RORC: variants seen among roughly 807,000 people sequenced by gnomAD.
RORC encodes the protein nuclear receptor ROR-gamma.
Under a neutral mutation model 64.5 loss-of-function variants are expected in RORC, and 13 were observed. That is an observed-to-expected ratio of 0.20 (90% confidence interval 0.13 to 0.32). RORC has a LOEUF of 0.32. Among genes scored for constraint, RORC ranks in the 10% least tolerant of loss-of-function variants. The pLI is 1.00. For missense variants in RORC, 468 were observed against 669.5 expected, an observed-to-expected ratio of 0.70 and a Z score of 3.32; for synonymous variants, 277 against 259.3, an observed-to-expected ratio of 1.07 and a Z score of -0.65.
At chr1:151,811,545 T>A (rs896257147) in intron 9 of RORC, 111 bp from the exon 10 acceptor site, 5 of 630,794 alleles carry the variant, frequency 7.9e-6, no homozygotes, top group African/African-American at 3.6e-5. Context: ...TCTTCTAAGC[T>A]GAGCGCGTGC....
At position 151,807,764 on chromosome 1, in the gene RORC, C is replaced by T; in HGVS notation, c.1396-131G>A. ...CCTTATGTACTTGGCACTTTGGCACCAGCCAAATCCCACTGGTAGAAGTAC... is the reference window on the plus strand; with the variant it reads ...CCTTATGTACTTGGCACTTTGGCACTAGCCAAATCCCACTGGTAGAAGTAC... On this transcript the variant is annotated intron_variant, in intron 10 of 10. Coordinates refer to ENST00000318247, the MANE Select transcript of RORC (RefSeq NM_005060.4). The surrounding 1 kb of genome is among the most constrained non-coding windows in gnomAD (Gnocchi z 5.0). 1 of 881,582 alleles carries T rather than the reference C, an allele frequency of 1.1e-6. No individual in the cohort carries two copies. The highest frequency in any genetic ancestry group is 1.7e-6 in the Non-Finnish European group (1 of 581,786). The allele number at this position is 881,582 out of a possible 1,614,324, so 54.6% of individuals were successfully genotyped here. A position where few individuals can be genotyped will look rare whatever the true frequency, so the allele number is the denominator to read the frequency against.
At position 151,815,050 on chromosome 1, in the gene RORC, G is replaced by C. The variant is rs1473076429; in HGVS notation, c.674C>G (p.Thr225Ser). 6.2e-7 allele frequency: 1 copy of C among 1,614,140 alleles called. No individual in the cohort carries two copies. The highest frequency in any genetic ancestry group is 2.2e-5 in the East Asian group (1 of 44,904). The change falls in exon 5 of 11, where the codon ACC (threonine) becomes AGC (serine). Residue 225 changes from threonine (T) to serine (S), a missense_variant. Around this residue, in one of 5 missense-constraint regions of RORC, gnomAD observed 241 missense variants for 295.5 expected, o/e 0.82. Coordinates refer to ENST00000318247, the MANE Select transcript of RORC (RefSeq NM_005060.4). ...ESFYSTGSQL[T>S]PDRCGLRFEE... ...AAAACGAAGTCCACATCGGTCAGGG[G>C]TCAGCTGGCTGCCTGTGCTATAGAA...
At position 151,807,382 on chromosome 1, in the gene RORC, T is replaced by C; in HGVS notation, c.*90A>G. The C allele has an allele frequency of 7.3e-7, 1 of 1,378,022 alleles. No homozygotes were observed. The highest frequency in any genetic ancestry group is 2.4e-5 in the East Asian group (1 of 42,286). 85.4% of individuals were successfully genotyped at this position (1,378,022 alleles called of 1,614,324 possible). A position where few individuals can be genotyped will look rare whatever the true frequency, so the allele number is the denominator to read the frequency against. On this transcript the variant is annotated 3_prime_UTR_variant, in exon 11 of 11. Transcript: ENST00000318247. This position sits in a 1 kb window ranked among gnomAD's most constrained non-coding sequence, Gnocchi z 5.0. ...GCTGGTGGGGACCACCCTCCAGGGT[T>C]CATGGGAAAGGAAAAGGGTGAGGGT...
intron 3 of RORC, 52 bp from the exon 4 acceptor site, chr1:151,816,857 C>A: frequency 1.4e-6 from 2 of 1,459,812 alleles, no homozygotes; most frequent in South Asian, 1.5e-5. Context: ...AGGCCCAGCT[C>A]ACTCACAAAG....
intron 2 of RORC, among the ~76,000 whole-genome samples, chr1:151,826,458 A>G (rs1168622685): frequency 1.3e-5 from 2 of 152,116 alleles, no homozygotes. Flanking sequence ...AAGTCACAGG[A>G]TGTCTGCCTG....
intron 2 of RORC, among the ~76,000 whole-genome samples, chr1:151,822,674 T>C (rs1652038712): frequency 6.6e-6 from 1 of 152,194 alleles, no homozygotes; most frequent in African/African-American, 2.4e-5. Flanking sequence ...TTCAGGGCCA[T>C]CTGTCCCTCA....
Position 151,822,282 on chromosome 1 carries a change from A to ATT in RORC, c.71-5003_71-5002insAA, listed in dbSNP as rs1652023322. On this transcript the variant is annotated intron_variant, in intron 2 of 10. Transcript: ENST00000318247. ...GCTGGAAACCAAGGTGGTGGGTGCCACCACAGGGGAGCAGGAGCGGGAGGG... is the reference window on the plus strand; with the variant it reads ...GCTGGAAACCAAGGTGGTGGGTGCCATTCCACAGGGGAGCAGGAGCGGGAGGG... Among the ~76,000 whole-genome samples the ATT allele has an allele frequency of 3.5e-5, 5 of 144,666 alleles. No homozygotes were observed. In the South Asian group the frequency reaches 1.2e-3, roughly 36 times the overall value. 94.9% of individuals were successfully genotyped at this position (144,666 alleles called of 152,430 possible).
chr1:151,826,109 C>T lies in RORC; in HGVS notation c.70+3320G>A. The stretch of plus-strand genomic sequence containing the variant: ...GTGCTTCTGGACTGGGGGGTTTAAG[C>T]TCTGCACCACACAGGTGGCCAAGTG... On this transcript the variant is annotated intron_variant, in intron 2 of 10. Transcript: ENST00000318247. 5 of 1,381,838 alleles carry T rather than the reference C, an allele frequency of 3.6e-6. No individual in the cohort carries two copies. The Admixed American group carries it at 1.5e-4, about 42-fold the overall frequency. 85.6% of individuals were successfully genotyped at this position (1,381,838 alleles called of 1,614,324 possible). A position where few individuals can be genotyped will look rare whatever the true frequency, so the allele number is the denominator to read the frequency against.
intron 2 of RORC, among the ~76,000 whole-genome samples, chr1:151,827,782 A>C (rs1300097963): frequency 6.6e-6 from 1 of 151,548 alleles, no homozygotes; most frequent in African/African-American, 2.4e-5. Context: ...TCAGGACAAC[A>C]CTCTTGGGGT....
chr1:151,817,758 G>T (rs191033234), intron 2 of RORC, among the ~76,000 whole-genome samples: 8 of 152,344 alleles, frequency 5.3e-5, no homozygotes, highest in Admixed American at 4.6e-4. Context: ...AGGGGTGGGG[G>T]ATAGGCAGAG....
intron 2 of RORC, chr1:151,825,911 G>T: frequency 6.2e-7 from 1 of 1,613,678 alleles, no homozygotes; most frequent in Non-Finnish European, 8.5e-7. Flanking sequence ...CCCGCCCCCA[G>T]GTGGCCCCAT....
In RORC at chr1:151,830,841, A is replaced by C. The variant is rs1324596409; in HGVS notation, c.40+884T>G. On this transcript the variant is annotated intron_variant, in intron 1 of 10. Coordinates refer to ENST00000318247, the MANE Select transcript of RORC (RefSeq NM_005060.4). The surrounding 1 kb of genome is among the most constrained non-coding windows in gnomAD (Gnocchi z 4.0). ...CCCTTGCTCCTGCCTGGCCCCACCC[A>C]GCTTCCTCCCTGACGTGGCACCGGC... is the stretch of plus-strand genomic sequence containing the variant. The C allele has an allele frequency of 4.1e-4, 193 of 465,216 alleles. No individual in the cohort carries two copies. The highest frequency in any genetic ancestry group is 2.6e-3 in the South Asian group (58 of 22,490). The allele number at this position is 465,216 out of a possible 1,614,324, so 28.8% of individuals were successfully genotyped here.
At position 151,830,650 on chromosome 1, in the gene RORC, A is replaced by ACACACACACACACAC. The variant is rs1321566712; in HGVS notation, c.40+1074_40+1075insGTGTGTGTGTGTGTG. On this transcript the variant is annotated intron_variant, in intron 1 of 10. Transcript: ENST00000318247. The surrounding 1 kb of genome is among the most constrained non-coding windows in gnomAD (Gnocchi z 4.0). ...CACACACACACACACACACACACAC[A>ACACACACACACACAC]CACACACACACAGTGCCCTTCTGCC... Among the ~76,000 whole-genome samples, 2 of 149,372 alleles carry ACACACACACACACAC rather than the reference A, an allele frequency of 1.3e-5. No individual in the cohort carries two copies. Among genetic ancestry groups the ACACACACACACACAC allele is most frequent in the Non-Finnish European group, 3.0e-5 (2 of 67,314 alleles).
intron 4 of RORC, among the ~76,000 whole-genome samples, chr1:151,815,996 C>T (rs769780054): frequency 6.6e-6 from 1 of 152,228 alleles, no homozygotes; most frequent in African/African-American, 2.4e-5. Flanking sequence ...CCCCTCGCCC[C>T]GCCTGCCCCT....
chr1:151,825,896 G>A (rs111882199), intron 2 of RORC: 1 of 1,612,768 alleles, frequency 6.2e-7, no homozygotes, highest in East Asian at 2.2e-5. Context: ...CAGGGTCCAG[G>A]CTCCCCCGCC....
chr1:151,817,390 C>G (rs1407459327), intron 2 of RORC, 110 bp from the exon 3 acceptor site: 5 of 720,916 alleles, frequency 6.9e-6, no homozygotes, highest in Non-Finnish European at 1.2e-5. Context: ...CTTCTCCAAC[C>G]AGCTCCAGCT....
chr1:151,813,744 A>T (rs982703529), intron 6 of RORC, 124 bp from the exon 7 acceptor site: 61 of 1,103,862 alleles, frequency 5.5e-5, no homozygotes, highest in Middle Eastern at 5.7e-4. Flanking sequence ...CTCAACTAGC[A>T]TTTTCAAAAG....
Position 151,807,662 on chromosome 1 carries a change from G to A in RORC, c.1396-29C>T. On this transcript the variant is annotated intron_variant, in intron 10 of 10. Transcript: ENST00000318247. The surrounding 1 kb of genome is among the most constrained non-coding windows in gnomAD (Gnocchi z 5.0). ...GATATGGGTTAATGGGGAAGGGAGG[G>A]TCAATACTTCAGCTCTCCTCAGAGC... is the stretch of plus-strand genomic sequence containing the variant. The A allele has an allele frequency of 6.2e-7, 1 of 1,611,828 alleles. No individual in the cohort carries two copies. Among genetic ancestry groups the A allele is most frequent in the African/African-American group, 1.3e-5 (1 of 75,014 alleles).
Position 151,807,269 on chromosome 1 carries a change from C to T in RORC, c.*203G>A. 1 of 537,966 alleles carries T rather than the reference C, an allele frequency of 1.9e-6. No individual in the cohort carries two copies. Among genetic ancestry groups the T allele is most frequent in the Admixed American group, 3.3e-5 (1 of 30,750 alleles). The allele number at this position is 537,966 out of a possible 1,614,324, so 33.3% of individuals were successfully genotyped here. On this transcript the variant is annotated 3_prime_UTR_variant, in exon 11 of 11. Coordinates refer to ENST00000318247, the MANE Select transcript of RORC (RefSeq NM_005060.4). The surrounding 1 kb of genome is among the most constrained non-coding windows in gnomAD (Gnocchi z 5.0). ...CAAAGCTGAGGCTGGAGATGGTGTT[C>T]TGCCAGCCCCACCCTCTGGCGATTG...
Sources: gnomAD v4.1 joint callset for allele counts (sites outside exome capture counted in the v4.1 genomes callset) on GRCh38, gnomAD v4.1.1 for gene constraint, gnomAD v4.1.1 regional missense constraint, Gnocchi (gnomAD v3.1) non-coding constraint, MANE v1.5 for transcripts, NCBI Gene and HGNC (gene_info 2026-07-23, HGNC 2026-07-21) for gene names.